SHROOM3: variants seen among roughly 807,000 people sequenced by gnomAD.
SHROOM3 encodes protein Shroom3.
Under a neutral mutation model 138.6 loss-of-function variants are expected in SHROOM3, and 47 were observed. The ratio of observed to expected loss-of-function variants is 0.34; its 90% CI spans 0.27 to 0.43. The LOEUF is 0.43. Among genes scored for constraint, SHROOM3 ranks in the 20% least tolerant of loss-of-function variants. The pLI, the probability that SHROOM3 is intolerant of heterozygous loss-of-function variation, is 1.00. For missense variants in SHROOM3, 2,491 were observed against 2,596.5 expected, an observed-to-expected ratio of 0.96 and a Z score of 0.88; for synonymous variants, 1,062 against 1,063.3, an observed-to-expected ratio of 1.00 and a Z score of 0.02.
In SHROOM3 at chr4:76,768,685, A is replaced by AT. The variant is rs879455418; in HGVS notation, c.5350-1934dup. Among the ~76,000 whole-genome samples the AT allele has an allele frequency of 6.3e-4, 96 of 152,004 alleles. No individual in the cohort carries two copies. The Middle Eastern group carries it at 0.014, about 22-fold the overall frequency. On this transcript the variant is annotated intron_variant, in intron 9 of 10. Coordinates refer to ENST00000296043, the MANE Select transcript of SHROOM3 (RefSeq NM_020859.4). ...ACCATCACGCCTGGCTAATTTTTGT[A>AT]TTTTTTTCAGTAGAGATGGGCTTTC...
intron 2 of SHROOM3, among the ~76,000 whole-genome samples, chr4:76,680,330 G>A (rs1719155835): frequency 6.6e-6 from 1 of 151,996 alleles, no homozygotes; most frequent in Non-Finnish European, 1.5e-5. Flanking sequence ...TAGTAGACAC[G>A]GGGTTTCACT....
rs1433674350 is a variant in SHROOM3, at chr4:76,778,722, A to C, written c.5623-87A>C. The C allele has an allele frequency of 1.9e-6, 3 of 1,571,312 alleles. No homozygotes were observed. In the East Asian group the frequency reaches 6.7e-5, roughly 35 times the overall value. On this transcript the variant is annotated intron_variant, in intron 10 of 10. Transcript: ENST00000296043. ...TAGGAATAGAGCTTAGATATTTCCC[A>C]GTCCTGTCAGAGGTGTCCTTGCAGG...
chr4:76,770,477 G>GAAA, intron 9 of SHROOM3, 149 bp from the exon 10 acceptor site: 2 of 912,346 alleles, frequency 2.2e-6, no homozygotes, highest in South Asian at 1.5e-5. Flanking sequence ...AGGCTATTAT[G>GAAA]GCATAATATT....
At position 76,740,304 on chromosome 4, in the gene SHROOM3, G is replaced by A; in HGVS notation, c.2131G>A (p.Asp711Asn). 6.2e-7 allele frequency: 1 copy of A among 1,613,144 alleles called. No individual in the cohort carries two copies. Among genetic ancestry groups the A allele is most frequent in the Non-Finnish European group, 8.5e-7 (1 of 1,180,032 alleles). ...AEDPGRKAAP[D>N]LGSHLDRQVS... is the part of the protein sequence containing the mutation. ...AGACCCTGGGAGGAAAGCCGCTCCT[G>A]ACCTCGGGAGCCATCTGGACCGGCA... The change falls in exon 5 of 11, where the codon GAC becomes AAC. Residue 711 changes from aspartate (D) to asparagine (N), a missense_variant. This residue lies in a region of SHROOM3 where 1,733 missense variants were observed against 1,661.6 expected (regional missense o/e 1.04). Coordinates refer to ENST00000296043, the MANE Select transcript of SHROOM3 (RefSeq NM_020859.4). The surrounding 1 kb of genome is among the most constrained non-coding windows in gnomAD (Gnocchi z 4.0).
chr4:76,470,031 T>A (rs1217298446), intron 1 of SHROOM3, among the ~76,000 whole-genome samples: 2 of 151,742 alleles, frequency 1.3e-5, no homozygotes, highest in African/African-American at 4.9e-5. Flanking sequence ...TAAACAAAAA[T>A]TATAGCTAAC....
At chr4:76,480,167 A>T (rs1731574391) in intron 1 of SHROOM3, among the ~76,000 whole-genome samples, 1 of 152,178 alleles carries the variant, frequency 6.6e-6, no homozygotes, top group Admixed American at 6.5e-5. Context: ...GCCCCTTAAT[A>T]GACCGATTAA....
At chr4:76,549,317 C>G (rs1733296068) in intron 1 of SHROOM3, among the ~76,000 whole-genome samples, 1 of 152,050 alleles carries the variant, frequency 6.6e-6, no homozygotes. Flanking sequence ...ATGGAGACAA[C>G]ACCATAGATT....
chr4:76,683,390 A>C (rs1412262701), intron 2 of SHROOM3, among the ~76,000 whole-genome samples: 2 of 152,022 alleles, frequency 1.3e-5, no homozygotes, highest in African/African-American at 4.8e-5. Flanking sequence ...ACAAATTCTC[A>C]TTCATAGAAG....
intron 4 of SHROOM3, among the ~76,000 whole-genome samples, chr4:76,733,775 G>C (rs889634247): frequency 9.2e-5 from 14 of 152,118 alleles, no homozygotes; most frequent in African/African-American, 3.4e-4. Context: ...TTCTTGTTAA[G>C]AAGCAGGCGT....
intron 1 of SHROOM3, among the ~76,000 whole-genome samples, chr4:76,458,054 A>T (rs1163019999): frequency 6.6e-6 from 1 of 152,192 alleles, no homozygotes; most frequent in Non-Finnish European, 1.5e-5. Flanking sequence ...GGGCCTCCCC[A>T]GGTGCTGGGA....
chr4:76,560,537 C>T (rs1733577233), intron 2 of SHROOM3, among the ~76,000 whole-genome samples: 1 of 152,150 alleles, frequency 6.6e-6, no homozygotes, highest in African/African-American at 2.4e-5. Context: ...TCTAACCTTC[C>T]AACCTTCTGC....
At chr4:76,463,476 A>G (rs1731184068) in intron 1 of SHROOM3, among the ~76,000 whole-genome samples, 1 of 152,238 alleles carries the variant, frequency 6.6e-6, no homozygotes, top group African/African-American at 2.4e-5. Flanking sequence ...CAACCTGATC[A>G]TGTGGTAGAA....
At chr4:76,482,589 G>C (rs1043577849) in intron 1 of SHROOM3, among the ~76,000 whole-genome samples, 3 of 152,144 alleles carry the variant, frequency 2.0e-5, no homozygotes, top group Admixed American at 2.0e-4. Flanking sequence ...GTAATTTATA[G>C]ATCCAATGCT....
chr4:76,514,467 C>T (rs1352526473), intron 1 of SHROOM3, among the ~76,000 whole-genome samples: 3 of 152,246 alleles, frequency 2.0e-5, no homozygotes, highest in South Asian at 4.2e-4. Context: ...TAAAGTACTT[C>T]AGTGGCTGCC....
At chr4:76,720,951 T>C (rs924512985) in intron 3 of SHROOM3, among the ~76,000 whole-genome samples, 1 of 152,034 alleles carries the variant, frequency 6.6e-6, no homozygotes, top group African/African-American at 2.4e-5. Context: ...ATTGTTCATA[T>C]TGAGTTTATT....
rs948722950 is a variant in SHROOM3 at position 76,664,843 on chromosome 4, C to T, written c.324-45313C>T. On this transcript the variant is annotated intron_variant, in intron 2 of 10. Transcript: ENST00000296043. This position sits in a 1 kb window ranked among gnomAD's most constrained non-coding sequence, Gnocchi z 4.2. ...TTCCCTCTTCCACAGCCTCTGGTTG[C>T]GCCTTGGTTTTAAAGGCTTCCAGGT... 7.2e-5 allele frequency among the ~76,000 whole-genome samples: 11 copies of T among 152,226 alleles called. No homozygotes were observed. Among genetic ancestry groups the T allele is most frequent in the East Asian group, 1.9e-4 (1 of 5,176 alleles).
chr4:76,699,503 A>G (rs1719844234), intron 2 of SHROOM3, among the ~76,000 whole-genome samples: 2 of 152,188 alleles, frequency 1.3e-5, no homozygotes, highest in Non-Finnish European at 2.9e-5. Context: ...TAGCAATTAC[A>G]GAGACGGCCT....
chr4:76,658,880 C>G (rs1383337986), intron 2 of SHROOM3, among the ~76,000 whole-genome samples: 3 of 152,090 alleles, frequency 2.0e-5, no homozygotes, highest in Non-Finnish European at 4.4e-5. Context: ...AAAACAAAAC[C>G]CAAGGATTCA....
chr4:76,629,850 G>A (rs1735263505), intron 2 of SHROOM3, among the ~76,000 whole-genome samples: 5 of 152,198 alleles, frequency 3.3e-5, no homozygotes. Flanking sequence ...AAAATTGGGT[G>A]CAGATGTTAA....
Sources: gnomAD v4.1 joint callset for allele counts (sites outside exome capture counted in the v4.1 genomes callset) on GRCh38, gnomAD v4.1.1 for gene constraint, gnomAD v4.1.1 regional missense constraint, Gnocchi (gnomAD v3.1) non-coding constraint, MANE v1.5 for transcripts, NCBI Gene and HGNC (gene_info 2026-07-23, HGNC 2026-07-21) for gene names.